The following CFAP20DC variants were observed in gnomAD, a reference collection of about 807,000 sequenced individuals.
The protein encoded by CFAP20DC is protein CFAP20DC.
In CFAP20DC, 84 loss-of-function variants were observed where a neutral mutation model predicts 101.7. The ratio of observed to expected loss-of-function variants is 0.83; its 90% CI spans 0.69 to 0.99. The LOEUF (loss-of-function observed/expected upper bound fraction) is 0.99, where lower values mean the gene tolerates loss of function less well. CFAP20DC is among the 50% of genes least tolerant of loss of function. The probability of loss-of-function intolerance (pLI) is 0.00; values close to 1 mark genes in which losing one functional copy is unlikely to be tolerated. For missense variants in CFAP20DC, 1,007 were observed against 970.3 expected (o/e 1.04, Z -0.50); for synonymous variants, 359 against 351.2 (o/e 1.02, Z -0.25).
At chr3:58,865,487 G>A (rs77235082) in intron 11 of CFAP20DC, among the ~76,000 whole-genome samples, 2,677 of 152,242 alleles carry the variant, frequency 0.018, 34 homozygotes, top group Non-Finnish European at 0.026. Context: ...ATGGCCAATG[G>A]CAGGCTGAGT....
chr3:58,842,967 GAAAACTA>G (rs1025679339), intron 13 of CFAP20DC, among the ~76,000 whole-genome samples: 1 of 152,164 alleles, frequency 6.6e-6, no homozygotes, highest in African/African-American at 2.4e-5. Flanking sequence ...CTGTTAGAAG[GAAAACTA>G]ACAAACAGAA....
At chr3:58,739,230 GAC>G (rs532221088), downstream of CFAP20DC, among the ~76,000 whole-genome samples, 177 of 152,244 alleles carry the variant, frequency 1.2e-3, 1 homozygote, top group African/African-American at 3.9e-3. Flanking sequence ...CACTATTGCT[GAC>G]AGTTGTTTTC....
chr3:58,870,318 T>A lies in CFAP20DC; in HGVS notation c.716-9A>T. On this transcript the variant is annotated splice_polypyrimidine_tract_variant and intron_variant, in intron 7 of 16. Coordinates refer to ENST00000482387, the MANE Select transcript of CFAP20DC (RefSeq NM_001394063.1). ...TCTGTTAATGAACTGATCTGTTTTG[T>A]TAAAGGAAGGTAATAATAGTCCATT... 6.2e-7 allele frequency: 1 copy of A among 1,612,818 alleles called. No homozygotes were observed. The highest frequency in any genetic ancestry group is 8.5e-7 in the Non-Finnish European group (1 of 1,178,996).
chr3:59,013,325 T>C (rs1377710460), intron 4 of CFAP20DC, among the ~76,000 whole-genome samples: 1 of 152,174 alleles, frequency 6.6e-6, no homozygotes, highest in Non-Finnish European at 1.5e-5. Context: ...ACTTTTATGT[T>C]AGATTGTGAT....
At chr3:58,891,335 G>A (rs1002315280) in intron 6 of CFAP20DC, among the ~76,000 whole-genome samples, 2 of 151,896 alleles carry the variant, frequency 1.3e-5, no homozygotes, top group Non-Finnish European at 3.0e-5. Flanking sequence ...AATCAGGCAG[G>A]GAGGTTGCAG....
intron 15 of CFAP20DC, among the ~76,000 whole-genome samples, chr3:58,769,146 T>G (rs2070600142): frequency 6.6e-6 from 1 of 152,194 alleles, no homozygotes; most frequent in Non-Finnish European, 1.5e-5. Context: ...GGCCGAATTT[T>G]GCAGTAAGCC....
At chr3:58,901,753 T>A (rs2083166224) in intron 6 of CFAP20DC, among the ~76,000 whole-genome samples, 1 of 152,194 alleles carries the variant, frequency 6.6e-6, no homozygotes, top group Admixed American at 6.5e-5. Context: ...AAAAAATGCT[T>A]TATTGAAGAG....
chr3:58,912,490 C>T lies in CFAP20DC; in HGVS notation c.550+1218G>A. On this transcript the variant is annotated intron_variant, in intron 6 of 16. Coordinates refer to ENST00000482387, the MANE Select transcript of CFAP20DC (RefSeq NM_001394063.1). The surrounding 1 kb of genome is among the most constrained non-coding windows in gnomAD (Gnocchi z 4.4). ...CAGTGTCCTGTTCCACAGAGTGAGC[C>T]ACATCAAGATTTCTCAGGCACACAC... The T allele has an allele frequency of 3.2e-6, 1 of 309,996 alleles. No homozygotes were observed. The highest frequency in any genetic ancestry group is 2.8e-5 in the South Asian group (1 of 35,368). 19.2% of individuals were successfully genotyped at this position (309,996 alleles called of 1,614,324 possible).
chr3:58,999,867 A>G (rs2093259235), intron 4 of CFAP20DC, among the ~76,000 whole-genome samples: 3 of 147,748 alleles, frequency 2.0e-5, no homozygotes, highest in Admixed American at 2.0e-4. Flanking sequence ...AAAAAAAAAA[A>G]GAACCTGACA....
intron 4 of CFAP20DC, among the ~76,000 whole-genome samples, chr3:59,027,140 T>C (rs931474): frequency 0.018 from 2,682 of 152,292 alleles, 66 homozygotes; most frequent in African/African-American, 0.06. Flanking sequence ...GCATCATAAA[T>C]TCTGTATTGA....
At chr3:59,004,734 T>G (rs2093395473) in intron 4 of CFAP20DC, among the ~76,000 whole-genome samples, 1 of 152,210 alleles carries the variant, frequency 6.6e-6, no homozygotes, top group Non-Finnish European at 1.5e-5. Context: ...GGCCCCCACC[T>G]CTTTAACTGG....
intron 4 of CFAP20DC, among the ~76,000 whole-genome samples, chr3:59,011,668 A>G (rs547833486): frequency 5.6e-4 from 85 of 152,320 alleles, no homozygotes; most frequent in Non-Finnish European, 8.1e-4. Context: ...GTCTCTTTGA[A>G]AAGATAAAAT....
At chr3:58,819,780 T>C (rs1463481830) in intron 14 of CFAP20DC, among the ~76,000 whole-genome samples, 5 of 148,062 alleles carry the variant, frequency 3.4e-5, no homozygotes, top group Admixed American at 3.4e-4. Context: ...GAATCCTCCC[T>C]AACTCATTTT....
At chr3:58,746,069 C>T (rs776047534) in intron 16 of CFAP20DC, among the ~76,000 whole-genome samples, 4 of 152,170 alleles carry the variant, frequency 2.6e-5, no homozygotes, top group Admixed American at 6.5e-5. Context: ...TACCTGAAAA[C>T]TCAATCTGTT....
chr3:58,863,898 A>T lies in CFAP20DC; in HGVS notation c.1259-6T>A, dbSNP rs1476575472. On this transcript the variant is annotated splice_region_variant and splice_polypyrimidine_tract_variant and intron_variant, in intron 11 of 16. Transcript: ENST00000482387. This position sits in a 1 kb window ranked among gnomAD's most constrained non-coding sequence, Gnocchi z 5.9. ...TTCAGGAAAAATCCACTCATCTGAC[A>T]GTTGGAAAAGATGACAAAAATTAGA... The T allele has an allele frequency of 6.3e-7, 1 of 1,594,022 alleles. No individual in the cohort carries two copies. The highest frequency in any genetic ancestry group is 1.4e-5 in the African/African-American group (1 of 73,936).
At chr3:58,871,554 G>C (rs1167482945) in intron 7 of CFAP20DC, among the ~76,000 whole-genome samples, 35 of 146,756 alleles carry the variant, frequency 2.4e-4, no homozygotes, top group Non-Finnish European at 4.3e-4. Flanking sequence ...TTTTGAGACA[G>C]TCTTGCTTTT....
At chr3:58,974,126 G>T (rs1013413407) in intron 4 of CFAP20DC, among the ~76,000 whole-genome samples, 3 of 152,114 alleles carry the variant, frequency 2.0e-5, no homozygotes, top group Non-Finnish European at 4.4e-5. Flanking sequence ...TTTTTGTTTT[G>T]GGGGTACATG....
At chr3:58,986,237 G>C (rs1314205239) in intron 4 of CFAP20DC, among the ~76,000 whole-genome samples, 1 of 152,202 alleles carries the variant, frequency 6.6e-6, no homozygotes, top group African/African-American at 2.4e-5. Flanking sequence ...GGGCCAGTCA[G>C]CTATCAGTTG....
intron 4 of CFAP20DC, among the ~76,000 whole-genome samples, chr3:59,011,168 C>T (rs1055747611): frequency 2.6e-5 from 4 of 152,232 alleles, no homozygotes; most frequent in Admixed American, 6.5e-5. Context: ...AAGCCCAAGG[C>T]GGGAGAATCA....
Sources: allele counts gnomAD v4.1 joint callset (sites outside exome capture counted in the v4.1 genomes callset), GRCh38; gene constraint gnomAD v4.1.1; non-coding constraint Gnocchi (gnomAD v3.1); transcripts MANE v1.5; gene names NCBI Gene and HGNC (gene_info 2026-07-23, HGNC 2026-07-21).